Variants in UGT2B7 observed in about 807,000 individuals in gnomAD.
The protein encoded by UGT2B7 is UDP-glucuronosyltransferase 2B7.
In UGT2B7, 51 loss-of-function variants were observed where a neutral mutation model predicts 51.9. The ratio of observed to expected loss-of-function variants is 0.98; its 90% confidence interval spans 0.78 to 1.24. The LOEUF (loss-of-function observed/expected upper bound fraction) is 1.24. Among genes scored for constraint, UGT2B7 ranks in the 50% most tolerant of loss-of-function variants. The pLI is 0.00. For missense variants in UGT2B7, 727 were observed against 628.4 expected, an observed-to-expected ratio of 1.16 and a Z score of -1.68; for synonymous variants, 225 against 211.6, an observed-to-expected ratio of 1.06 and a Z score of -0.55.
At chr4:69,063,773 G>T (rs569640560) in intron 1 of UGT2B7, among the ~76,000 whole-genome samples, 1 of 152,130 alleles carries the variant, frequency 6.6e-6, no homozygotes, top group East Asian at 1.9e-4. Context: ...TAAAACAGTA[G>T]GGGTAGTGTT....
Position 69,109,040 on chromosome 4 carries a change from G to T in UGT2B7, c.1310+718G>T, listed in dbSNP as rs576846367. Among the ~76,000 whole-genome samples the T allele has an allele frequency of 3.1e-3, 443 of 143,950 alleles. 2 individuals are homozygous for T. The highest frequency in any genetic ancestry group is 0.011 in the African/African-American group (419 of 39,464). 94.4% of individuals were successfully genotyped at this position (143,950 alleles called of 152,430 possible). On this transcript the variant is annotated intron_variant, in intron 5 of 5. Transcript: ENST00000305231. ...ATTTCACCTAGGCTAATTTTTTGTTGTTTTTTTTTTCTGGTTTTAGTTTCA... is the reference window on the plus strand; with the variant it reads ...ATTTCACCTAGGCTAATTTTTTGTTTTTTTTTTTTTCTGGTTTTAGTTTCA...
Position 69,108,314 on chromosome 4 carries a change from T to C in UGT2B7, c.1302T>C (p.Asn434=), listed in dbSNP as rs374766685. ...DLLNALKRVI[N]DPSYKENVMK... The stretch of plus-strand genomic sequence containing the variant: ...TGAATGCATTGAAGAGAGTAATTAA[T>C]GATCCTTCGTGAGTAGAACAATATT... The change falls in exon 5 of 6, where the codon AAT becomes AAC. Residue 434 remains asparagine (N), a synonymous_variant. Transcript: ENST00000305231. 12 of 1,613,276 alleles carry C rather than the reference T, an allele frequency of 7.4e-6. No individual in the cohort carries two copies. Among genetic ancestry groups the C allele is most frequent in the South Asian group, 3.3e-5 (3 of 91,070 alleles).
At chr4:69,100,448 A>G (rs1577923230) in intron 2 of UGT2B7, among the ~76,000 whole-genome samples, 1 of 152,078 alleles carries the variant, frequency 6.6e-6, no homozygotes, top group Non-Finnish European at 1.5e-5. Flanking sequence ...TTAAAAGATC[A>G]TTTTTGTCTA....
intron 1 of UGT2B7, among the ~76,000 whole-genome samples, chr4:69,083,696 A>G (rs999642052): frequency 6.6e-6 from 1 of 152,164 alleles, no homozygotes; most frequent in African/African-American, 2.4e-5. Flanking sequence ...AGATATTGGA[A>G]TACGGAAACA....
chr4:69,110,450 A>G lies in UGT2B7; in HGVS notation c.1311-2007A>G, dbSNP rs1415852916. Among the ~76,000 whole-genome samples, 3 of 130,294 alleles carry G rather than the reference A, an allele frequency of 2.3e-5. No homozygotes were observed. In the East Asian group the frequency reaches 7.1e-4, roughly 31 times the overall value. 85.5% of individuals were successfully genotyped at this position (130,294 alleles called of 152,430 possible). A position where few individuals can be genotyped will look rare whatever the true frequency, so the allele number is the denominator to read the frequency against. On this transcript the variant is annotated intron_variant, in intron 5 of 5. Coordinates refer to ENST00000305231, the MANE Select transcript of UGT2B7 (RefSeq NM_001074.4). ...GTTATATACCCAACAGATATGTATA[A>G]ATAAATCTAATACCATATAGAAGAA...
At chr4:69,103,072 G>A (rs761720327) in intron 3 of UGT2B7, 134 bp downstream of exon 3, 66 of 1,461,446 alleles carry the variant, frequency 4.5e-5, no homozygotes, top group Non-Finnish European at 5.9e-5. Context: ...GGATAATCTT[G>A]GAGAAACTAT....
intron 5 of UGT2B7, 106 bp from the exon 6 acceptor site, chr4:69,112,351 C>A: frequency 6.9e-7 from 1 of 1,439,724 alleles, no homozygotes; most frequent in Non-Finnish European, 9.3e-7. Context: ...AGGAGTCTTG[C>A]CGATGCTCCC....
Position 69,102,149 on chromosome 4 carries a change from C to T in UGT2B7, c.871-658C>T, listed in dbSNP as rs556561047. ...AGAAATTCCAAATTACATTACCAGA[C>T]TCCAGAATGTCAGCGGTTCTTAACC... On this transcript the variant is annotated intron_variant, in intron 2 of 5. Coordinates refer to ENST00000305231, the MANE Select transcript of UGT2B7 (RefSeq NM_001074.4). 1.2e-4 allele frequency among the ~76,000 whole-genome samples: 19 copies of T among 152,280 alleles called. No individual in the cohort carries two copies. In the South Asian group the frequency reaches 3.7e-3, roughly 30 times the overall value.
chr4:69,078,391 C>T (rs1309677944), intron 1 of UGT2B7, among the ~76,000 whole-genome samples: 3 of 152,092 alleles, frequency 2.0e-5, no homozygotes, highest in Admixed American at 2.0e-4. Context: ...CCTCTTTGTA[C>T]CTCTGGTAGA....
intron 1 of UGT2B7, among the ~76,000 whole-genome samples, chr4:69,054,829 A>G (rs563758553): frequency 1.3e-5 from 2 of 152,224 alleles, no homozygotes; most frequent in East Asian, 3.9e-4. Flanking sequence ...CTTGTACATT[A>G]AGGACTTCAG....
chr4:69,064,086 A>AG (rs1560499727), intron 1 of UGT2B7, among the ~76,000 whole-genome samples: 52 of 102,538 alleles, frequency 5.1e-4, no homozygotes, highest in Admixed American at 1.0e-3. Context: ...GAAAGAAAGA[A>AG]AGAAAGAAAG....
At chr4:69,112,390 T>A in intron 5 of UGT2B7, 67 bp from the exon 6 acceptor site, 6 of 1,550,004 alleles carry the variant, frequency 3.9e-6, no homozygotes, top group Non-Finnish European at 5.2e-6. Context: ...CTTCTTTAAC[T>A]CGGTGTCTGA....
chr4:69,064,106 G>GAAAGAAAGAAAGAAAGAGAAAGAAAT (rs1718432200), intron 1 of UGT2B7, among the ~76,000 whole-genome samples: 1 of 118,306 alleles, frequency 8.5e-6, no homozygotes, highest in Non-Finnish European at 1.7e-5. Flanking sequence ...GAGAAAGAAA[G>GAAAGAAAGAAAGAAAGAGAAAGAAAT]AAAGAAAAAG....
At chr4:69,087,412 G>T (rs6422325) in intron 1 of UGT2B7, among the ~76,000 whole-genome samples, 94,974 of 151,678 alleles carry the variant, frequency 0.63, 31,191 homozygotes, top group African/African-American at 0.81. Flanking sequence ...TTGTAGTTAT[G>T]ATTTTCTTTA....
chr4:69,076,154 C>T lies in UGT2B7; in HGVS notation c.-158-13318C>T, dbSNP rs1718701573. On this transcript the variant is annotated intron_variant, in intron 1 of 5. Coordinates refer to the UGT2B7 transcript ENST00000502942. ...ATAGTATTCTATGATATATATGTGC[C>T]ACATTTTCTTTATCCAATCTATCAC... Among the ~76,000 whole-genome samples the T allele has an allele frequency of 2.6e-5, 4 of 152,232 alleles. No individual in the cohort carries two copies. The South Asian group carries it at 8.3e-4, about 32-fold the overall frequency.
intron 3 of UGT2B7, among the ~76,000 whole-genome samples, chr4:69,105,776 A>G (rs1719576683): frequency 6.6e-6 from 1 of 152,212 alleles, no homozygotes; most frequent in Non-Finnish European, 1.5e-5. Context: ...GAAGTTATAC[A>G]TAAAACCTTT....
intron 1 of UGT2B7, among the ~76,000 whole-genome samples, chr4:69,084,919 G>A (rs1718915812): frequency 6.6e-6 from 1 of 152,104 alleles, no homozygotes; most frequent in Non-Finnish European, 1.5e-5. Flanking sequence ...GAATAATGCT[G>A]CAATAAAAAT....
intron 5 of UGT2B7, among the ~76,000 whole-genome samples, chr4:69,111,670 C>A (rs1719778283): frequency 6.6e-6 from 1 of 152,046 alleles, no homozygotes; most frequent in Non-Finnish European, 1.5e-5. Flanking sequence ...ATCTCATATA[C>A]CCCATAAATA....
chr4:69,110,349 C>A (rs1472106756), intron 5 of UGT2B7, among the ~76,000 whole-genome samples: 1 of 151,992 alleles, frequency 6.6e-6, no homozygotes, highest in Non-Finnish European at 1.5e-5. Context: ...CTATAACTAA[C>A]ATATCTTTAA....
Sources: gnomAD v4.1 joint callset for allele counts (sites outside exome capture counted in the v4.1 genomes callset) on GRCh38, gnomAD v4.1.1 for gene constraint, MANE v1.5 for transcripts, NCBI Gene and HGNC (gene_info 2026-07-23, HGNC 2026-07-21) for gene names.